Variants in ANXA6 observed in about 807,000 individuals in gnomAD.
ANXA6 encodes the protein 67 kDa calelectrin.
ANXA6 carries 71 observed loss-of-function variants against 95.4 expected under a neutral mutation model. That is an observed-to-expected ratio of 0.74 (90% CI 0.61 to 0.91). ANXA6 has a LOEUF of 0.91. ANXA6 is among the 40% of genes least tolerant of loss of function. The probability of loss-of-function intolerance (pLI) is 0.00; values close to 1 mark genes in which losing one functional copy is unlikely to be tolerated. For synonymous variants in ANXA6, 289 were observed against 315.9 expected, an observed-to-expected ratio of 0.91 and a Z score of 0.90; for missense variants, 830 against 876.4, an observed-to-expected ratio of 0.95 and a Z score of 0.67.
chr5:151,113,933 G>A (rs1462861945), intron 20 of ANXA6, among the ~76,000 whole-genome samples: 1 of 152,218 alleles, frequency 6.6e-6, no homozygotes, highest in Non-Finnish European at 1.5e-5. Context: ...TGAAAAGGGA[G>A]TACCAACATG....
At chr5:151,110,174 C>G (rs1312391692) in intron 21 of ANXA6, among the ~76,000 whole-genome samples, 3 of 152,168 alleles carry the variant, frequency 2.0e-5, no homozygotes, top group African/African-American at 7.2e-5. Flanking sequence ...CCCTTCCATC[C>G]CTCAACCTTT....
intron 1 of ANXA6, among the ~76,000 whole-genome samples, chr5:151,150,290 C>A (rs116342608): frequency 6.6e-6 from 1 of 152,080 alleles, no homozygotes; most frequent in African/African-American, 2.4e-5. Context: ...GCCATGTGAC[C>A]GTGGGCTTAT....
chr5:151,110,397 T>A (rs896509208), intron 21 of ANXA6, among the ~76,000 whole-genome samples: 1 of 152,174 alleles, frequency 6.6e-6, no homozygotes, highest in Non-Finnish European at 1.5e-5. Context: ...GATTTAAAGA[T>A]CAGTATTAAT....
intron 17 of ANXA6, 45 bp from the exon 18 acceptor site, chr5:151,119,435 C>G: frequency 6.4e-7 from 1 of 1,569,390 alleles, no homozygotes; most frequent in Non-Finnish European, 8.8e-7. Context: ...GTTCTGACCT[C>G]CTGTGCAGAG....
chr5:151,128,106 G>T, intron 13 of ANXA6, 75 bp downstream of exon 13: 1 of 1,293,110 alleles, frequency 7.7e-7, no homozygotes, highest in East Asian at 2.5e-5. Flanking sequence ...CCACCCATCA[G>T]GATGCGAGCC....
intron 23 of ANXA6, among the ~76,000 whole-genome samples, chr5:151,107,271 T>C (rs982455394): frequency 2.0e-5 from 3 of 152,260 alleles, no homozygotes; most frequent in African/African-American, 7.2e-5. Context: ...AATTAACTAA[T>C]TTCAGCCTCA....
intron 15 of ANXA6, among the ~76,000 whole-genome samples, chr5:151,123,534 A>C (rs369535728): frequency 6.6e-6 from 1 of 152,220 alleles, no homozygotes; most frequent in Non-Finnish European, 1.5e-5. Flanking sequence ...TTCTCAGATT[A>C]ATGCCATCAA....
At chr5:151,153,670 A>G (rs1328378697) in intron 1 of ANXA6, among the ~76,000 whole-genome samples, 1 of 152,212 alleles carries the variant, frequency 6.6e-6, no homozygotes, top group African/African-American at 2.4e-5. Flanking sequence ...GTAAGTTGCA[A>G]ATAATTGATG....
At chr5:151,103,293 GC>G in intron 25 of ANXA6, among the ~76,000 whole-genome samples, 1 of 152,230 alleles carries the variant, frequency 6.6e-6, no homozygotes, top group Admixed American at 6.5e-5. Flanking sequence ...CACCATGCCT[GC>G]CCATGATATG....
chr5:151,140,972 GC>G (rs1255071105), intron 2 of ANXA6, among the ~76,000 whole-genome samples: 4 of 152,216 alleles, frequency 2.6e-5, no homozygotes, highest in African/African-American at 4.8e-5. Context: ...GGCACAGGGG[GC>G]CCAGAGACAC....
intron 19 of ANXA6, 29 bp from the exon 20 acceptor site, chr5:151,117,209 T>A (rs1358603734): frequency 6.4e-7 from 1 of 1,566,970 alleles, no homozygotes; most frequent in Admixed American, 1.8e-5. Flanking sequence ...GAAAGTTCAG[T>A]CCCCAAACAT....
chr5:151,128,876 G>A (rs1438177126), intron 12 of ANXA6, among the ~76,000 whole-genome samples: 1 of 145,614 alleles, frequency 6.9e-6, no homozygotes, highest in Admixed American at 7.0e-5. Flanking sequence ...TTACCCTTTG[G>A]AAACATACTT....
At chr5:151,157,161 A>G (rs1766257899) in intron 1 of ANXA6, among the ~76,000 whole-genome samples, 1 of 152,110 alleles carries the variant, frequency 6.6e-6, no homozygotes, top group Non-Finnish European at 1.5e-5. Flanking sequence ...TGAGGTATGT[A>G]CGACCGGACG....
intron 7 of ANXA6, among the ~76,000 whole-genome samples, chr5:151,134,884 G>A (rs1179012685): frequency 1.3e-5 from 2 of 152,180 alleles, no homozygotes; most frequent in Non-Finnish European, 2.9e-5. Flanking sequence ...CAAAGGATCT[G>A]AACATTTGCA....
At chr5:151,127,894 C>T (rs1453708467) in intron 13 of ANXA6, among the ~76,000 whole-genome samples, 1 of 152,152 alleles carries the variant, frequency 6.6e-6, no homozygotes, top group African/African-American at 2.4e-5. Flanking sequence ...ATTGGATGCT[C>T]ATATTCTGGT....
intron 23 of ANXA6, among the ~76,000 whole-genome samples, chr5:151,106,088 G>A (rs1764688249): frequency 2.6e-5 from 4 of 152,104 alleles, no homozygotes; most frequent in Admixed American, 2.6e-4. Context: ...AAGGGACCAT[G>A]CAAATCCCTG....
chr5:151,111,143 T>C (rs1581980817), intron 20 of ANXA6, among the ~76,000 whole-genome samples: 1 of 152,208 alleles, frequency 6.6e-6, no homozygotes, highest in East Asian at 1.9e-4. Context: ...ACTGGCCAGC[T>C]GAGGCCTTAA....
chr5:151,119,614 C>A (rs1467335687), intron 17 of ANXA6, among the ~76,000 whole-genome samples: 1 of 152,198 alleles, frequency 6.6e-6, no homozygotes, highest in Non-Finnish European at 1.5e-5. Context: ...TCCAGCCCCC[C>A]AAACAGAAAA....
In ANXA6 at chr5:151,103,679, T is replaced by C. The variant is rs754904737; in HGVS notation, c.1853A>G (p.Asp618Gly). The C allele has an allele frequency of 6.2e-7, 1 of 1,610,694 alleles. No individual in the cohort carries two copies. Among genetic ancestry groups the C allele is most frequent in the East Asian group, 2.2e-5 (1 of 44,694 alleles). ...CATGATCCTGGTCAGAGTCTTCTCA[T>C]CTGTGCCAGCACCCTGGTGGAGCCA... ...LYKSMKGAGT[D>G]EKTLTRIMVS... Residue 618 changes from aspartate to glycine, a missense_variant, in exon 25 of 26, where the codon GAT becomes GGT. Coordinates refer to ENST00000354546, the MANE Select transcript of ANXA6 (RefSeq NM_001155.5).
Sources: allele counts gnomAD v4.1 joint callset (sites outside exome capture counted in the v4.1 genomes callset), GRCh38; gene constraint gnomAD v4.1.1; transcripts MANE v1.5; gene names NCBI Gene and HGNC (gene_info 2026-07-23, HGNC 2026-07-21).